Variants in KLHL1 observed in about 807,000 individuals in gnomAD.
KLHL1 encodes the protein kelch like family member 1, also known as kelch-like protein 1.
In KLHL1, 47 loss-of-function variants were observed where a neutral mutation model predicts 77.7. The observed-to-expected ratio is 0.60, with a 90% CI of 0.48 to 0.77. The LOEUF is 0.77. Among genes scored for constraint, KLHL1 ranks in the 30% least tolerant of loss-of-function variants. The pLI, the probability that KLHL1 is intolerant of heterozygous loss-of-function variation, is 0.00. For synonymous variants in KLHL1, 360 were observed against 325.2 expected, an observed-to-expected ratio of 1.11 and a Z score of -1.15; for missense variants, 925 against 910.8, an observed-to-expected ratio of 1.02 and a Z score of -0.20.
chr13:69,749,776 C>T (rs1214471535), intron 7 of KLHL1, among the ~76,000 whole-genome samples: 2 of 151,874 alleles, frequency 1.3e-5, no homozygotes, highest in Non-Finnish European at 2.9e-5. Context: ...TTCTCTGAAG[C>T]TAATTGTTAT....
chr13:69,922,092 C>T (rs1206185763), intron 4 of KLHL1, among the ~76,000 whole-genome samples: 1 of 151,732 alleles, frequency 6.6e-6, no homozygotes, highest in South Asian at 2.1e-4. Context: ...CAGTGCCTGG[C>T]TAAGTTTTAA....
Position 69,882,367 on chromosome 13 carries a change from C to CA in KLHL1, c.1142dup (p.Met381IlefsTer6). ...TACTCTGCATGTCATACTTGACCCA[C>CA]ATCATCAATGCATGGAAGATGGTTT... On this transcript the variant is annotated frameshift_variant, in exon 5 of 11. Transcript: ENST00000377844. LOFTEE classifies it high-confidence loss of function. 6.2e-7 allele frequency: 1 copy of CA among 1,614,010 alleles called. No individual in the cohort carries two copies. The highest frequency in any genetic ancestry group is 8.5e-7 in the Non-Finnish European group (1 of 1,179,902).
At chr13:70,004,743 C>A (rs2137329721) in intron 1 of KLHL1, among the ~76,000 whole-genome samples, 1 of 151,684 alleles carries the variant, frequency 6.6e-6, no homozygotes, top group Admixed American at 6.6e-5. Flanking sequence ...TTATTACACC[C>A]AAATAACTTT....
intron 8 of KLHL1, among the ~76,000 whole-genome samples, chr13:69,731,866 C>A (rs1217789464): frequency 6.6e-6 from 1 of 151,864 alleles, no homozygotes; most frequent in Non-Finnish European, 1.5e-5. Context: ...CAGGGAAAAT[C>A]ACAAGTAGTA....
intron 1 of KLHL1, among the ~76,000 whole-genome samples, chr13:70,052,491 G>T (rs1886653190): frequency 6.6e-6 from 1 of 151,576 alleles, no homozygotes; most frequent in Non-Finnish European, 1.5e-5. Flanking sequence ...TCCAAATTTA[G>T]AAATCACTAT....
At chr13:70,008,499 C>G (rs1338627508) in intron 1 of KLHL1, among the ~76,000 whole-genome samples, 1 of 151,988 alleles carries the variant, frequency 6.6e-6, no homozygotes, top group Non-Finnish European at 1.5e-5. Context: ...TGGCTATGCA[C>G]CCAAATATGC....
chr13:69,980,627 T>G (rs1318233695), intron 1 of KLHL1, among the ~76,000 whole-genome samples: 3 of 152,188 alleles, frequency 2.0e-5, no homozygotes, highest in African/African-American at 7.2e-5. Flanking sequence ...AGAATACAGT[T>G]TAAATATCGC....
At chr13:69,916,728 C>T (rs888506952) in intron 4 of KLHL1, among the ~76,000 whole-genome samples, 3 of 151,108 alleles carry the variant, frequency 2.0e-5, no homozygotes, top group Non-Finnish European at 4.4e-5. Context: ...TACCCTAAAA[C>T]TTAAAGTATA....
At chr13:69,839,774 C>T (rs933604812) in intron 5 of KLHL1, among the ~76,000 whole-genome samples, 1 of 151,804 alleles carries the variant, frequency 6.6e-6, no homozygotes, top group Non-Finnish European at 1.5e-5. Flanking sequence ...AGAGTGAGAC[C>T]AGTAGTTTTA....
chr13:69,928,264 T>C (rs983919148), intron 4 of KLHL1, among the ~76,000 whole-genome samples: 1 of 152,196 alleles, frequency 6.6e-6, no homozygotes, highest in Non-Finnish European at 1.5e-5. Flanking sequence ...GTTCCATAAC[T>C]TCACCTTGCA....
intron 1 of KLHL1, among the ~76,000 whole-genome samples, chr13:70,090,381 A>G (rs1887644007): frequency 6.6e-6 from 1 of 152,072 alleles, no homozygotes; most frequent in Non-Finnish European, 1.5e-5. Flanking sequence ...GACTGGGGGA[A>G]AAAGACACTC....
At chr13:69,718,688 A>C (rs1872887933) in intron 9 of KLHL1, among the ~76,000 whole-genome samples, 3 of 152,120 alleles carry the variant, frequency 2.0e-5, no homozygotes, top group Admixed American at 2.0e-4. Context: ...TAAGTAACGC[A>C]CAGCCCAAAG....
At chr13:69,742,267 G>T (rs1389546914) in intron 7 of KLHL1, among the ~76,000 whole-genome samples, 1 of 152,128 alleles carries the variant, frequency 6.6e-6, no homozygotes, top group African/African-American at 2.4e-5. Context: ...ATGCTTTTAA[G>T]CATGACTGCA....
At chr13:70,074,533 G>A (rs1887214641) in intron 1 of KLHL1, among the ~76,000 whole-genome samples, 1 of 151,972 alleles carries the variant, frequency 6.6e-6, no homozygotes, top group African/African-American at 2.4e-5. Flanking sequence ...TTCCAAAGGG[G>A]ACACAGGTAT....
intron 1 of KLHL1, among the ~76,000 whole-genome samples, chr13:70,022,280 T>TG (rs370054913): frequency 0.28 from 23,842 of 85,928 alleles, 1,966 homozygotes; most frequent in African/African-American, 0.38. Context: ...TACGTGTGTG[T>TG]TTGTGTGTGT....
chr13:70,104,817 C>G (rs1010416887), intron 1 of KLHL1, among the ~76,000 whole-genome samples: 2 of 152,016 alleles, frequency 1.3e-5, no homozygotes, highest in African/African-American at 4.8e-5. Flanking sequence ...ATCCACATTA[C>G]TCATGATTTT....
chr13:69,736,099 C>A (rs1293158600), intron 8 of KLHL1, among the ~76,000 whole-genome samples: 1 of 152,116 alleles, frequency 6.6e-6, no homozygotes, highest in Non-Finnish European at 1.5e-5. Context: ...AATAAACAGA[C>A]AACGCACAGA....
chr13:69,753,321 T>C (rs1874568042), intron 7 of KLHL1, among the ~76,000 whole-genome samples: 1 of 152,092 alleles, frequency 6.6e-6, no homozygotes, highest in African/African-American at 2.4e-5. Flanking sequence ...AAGTAAAAAT[T>C]TTATGTGAGA....
chr13:69,751,179 T>C (rs1038798562), intron 7 of KLHL1, among the ~76,000 whole-genome samples: 2 of 151,368 alleles, frequency 1.3e-5, no homozygotes, highest in Non-Finnish European at 2.9e-5. Flanking sequence ...GGGCATGTGT[T>C]ATGTGTAGGT....
Sources: gnomAD v4.1 joint callset for allele counts (sites outside exome capture counted in the v4.1 genomes callset) on GRCh38, gnomAD v4.1.1 for gene constraint, MANE v1.5 for transcripts, NCBI Gene and HGNC (gene_info 2026-07-23, HGNC 2026-07-21) for gene names.